Variants in GALNT15 observed in about 807,000 individuals in gnomAD.
GALNT15 encodes the protein UDP-GalNAc transferase T15.
A neutral mutation model predicts 66.8 loss-of-function variants in GALNT15; 67 were observed. The observed-to-expected ratio is 1.00, with a 90% CI of 0.82 to 1.23. GALNT15 has a LOEUF of 1.23. Among genes scored for constraint, GALNT15 ranks in the 50% most tolerant of loss-of-function variants. GALNT15 has a pLI of 0.00. For missense variants in GALNT15, 827 were observed against 804.3 expected (o/e 1.03, Z -0.34); for synonymous variants, 313 against 311.5 (o/e 1.00, Z -0.05).
At chr3:16,234,674 C>T (rs1168980392), downstream of GALNT15, among the ~76,000 whole-genome samples, 1 of 152,212 alleles carries the variant, frequency 6.6e-6, no homozygotes, top group Admixed American at 6.5e-5. Flanking sequence ...CTCTATGTCT[C>T]CTAATGGGGA....
chr3:16,200,876 C>A lies in GALNT15; in HGVS notation c.911+53C>A. ...AAGACATGGAACTGGGAGAAACAGTCTACAGCATCAGCCACTCACAGAGCA... is the reference window on the plus strand; with the variant it reads ...AAGACATGGAACTGGGAGAAACAGTATACAGCATCAGCCACTCACAGAGCA... On this transcript the variant is annotated intron_variant, in intron 3 of 9. Transcript: ENST00000339732. This position sits in a 1 kb window ranked among gnomAD's most constrained non-coding sequence, Gnocchi z 4.4. 1.4e-6 allele frequency: 2 copies of A among 1,416,966 alleles called. No homozygotes were observed. Among genetic ancestry groups the A allele is most frequent in the Non-Finnish European group, 9.6e-7 (1 of 1,040,710 alleles). 87.8% of individuals were successfully genotyped at this position (1,416,966 alleles called of 1,614,324 possible).
rs540258950 is a variant in GALNT15, at chr3:16,228,362, C to T, written c.*862C>T. 6.7e-5 allele frequency: 66 copies of T among 984,934 alleles called. No homozygotes were observed. Among genetic ancestry groups the T allele is most frequent in the African/African-American group, 3.3e-4 (19 of 57,264 alleles). The allele number at this position is 984,934 out of a possible 1,614,324, so 61.0% of individuals were successfully genotyped here. On this transcript the variant is annotated 3_prime_UTR_variant, in exon 10 of 10. Coordinates refer to ENST00000339732, the MANE Select transcript of GALNT15 (RefSeq NM_054110.5). The stretch of plus-strand genomic sequence containing the variant: ...GTTCACAGTTGAGAAACTCTCCTGC[C>T]GGGCGCGGTGGCTCATGCCTGTAAT...
chr3:16,242,923 A>G, the GALNT15 span, among the ~76,000 whole-genome samples: 1 of 152,204 alleles, frequency 6.6e-6, no homozygotes, highest in East Asian at 1.9e-4. This position sits in a 1 kb window ranked among gnomAD's most constrained non-coding sequence, Gnocchi z 5.6. Context: ...AGGTGATCCC[A>G]GGAAGCAGGA....
At position 16,195,914 on chromosome 3, in the gene GALNT15, C is replaced by G. The variant is rs1193438417; in HGVS notation, c.694C>G (p.Leu232Val). ...GAAGGAGATCATCCTCGTGGACGAC[C>G]TCAGCCAGCAAGGTAGCCACGGCTT... is the stretch of plus-strand genomic sequence containing the variant. Reference protein sequence around the residue: ...FLKEIILVDDLSQQGQLKSAL... With the variant: ...FLKEIILVDDVSQQGQLKSAL... The change falls in exon 2 of 10, where the codon CTC (leucine) becomes GTC (valine). Residue 232 changes from leucine (L) to valine (V), a missense_variant. Transcript: ENST00000339732. This position sits in a 1 kb window ranked among gnomAD's most constrained non-coding sequence, Gnocchi z 4.6. 6.2e-7 allele frequency: 1 copy of G among 1,614,092 alleles called. No homozygotes were observed. Among genetic ancestry groups the G allele is most frequent in the South Asian group, 1.1e-5 (1 of 91,066 alleles).
downstream of GALNT15, chr3:16,231,698 A>G (rs1279824529): frequency 7.6e-6 from 7 of 917,658 alleles, no homozygotes; most frequent in Admixed American, 1.5e-4. This position sits in a 1 kb window ranked among gnomAD's most constrained non-coding sequence, Gnocchi z 4.1. Flanking sequence ...CTGTTCAGCT[A>G]GCTCATAGTC....
In GALNT15 at chr3:16,200,832, T is replaced by C. The variant is rs2063693020; in HGVS notation, c.911+9T>C. 1 of 1,589,622 alleles carries C rather than the reference T, an allele frequency of 6.3e-7. No homozygotes were observed. The highest frequency in any genetic ancestry group is 8.6e-7 in the Non-Finnish European group (1 of 1,168,326). On this transcript the variant is annotated intron_variant, in intron 3 of 9. Coordinates refer to ENST00000339732, the MANE Select transcript of GALNT15 (RefSeq NM_054110.5). This position sits in a 1 kb window ranked among gnomAD's most constrained non-coding sequence, Gnocchi z 4.4. ...AGAATAGCTGGTGACAGGTAACTTATTCCCTGGGCTTGCAAAGCAAGACAT... is the reference window on the plus strand; with the variant it reads ...AGAATAGCTGGTGACAGGTAACTTACTCCCTGGGCTTGCAAAGCAAGACAT...
rs2063389440 is a variant in GALNT15, at chr3:16,175,036, C to A, written c.-116C>A. ...TGTCAGGACCAGGTTAAGTGACTGG[C>A]AGAAAAACTTCCAGGTGGAACAAGC... On this transcript the variant is annotated 5_prime_UTR_variant, in exon 1 of 10. Coordinates refer to ENST00000339732, the MANE Select transcript of GALNT15 (RefSeq NM_054110.5). This position sits in a 1 kb window ranked among gnomAD's most constrained non-coding sequence, Gnocchi z 5.6. 1 of 916,968 alleles carries A rather than the reference C, an allele frequency of 1.1e-6. No individual in the cohort carries two copies. The highest frequency in any genetic ancestry group is 1.6e-6 in the Non-Finnish European group (1 of 607,384). 56.8% of individuals were successfully genotyped at this position (916,968 alleles called of 1,614,324 possible). A position where few individuals can be genotyped will look rare whatever the true frequency, so the allele number is the denominator to read the frequency against.
chr3:16,229,209 GTCT>G lies in GALNT15; in HGVS notation c.*1710_*1712del. ...TACCTATCATAACTACGTATTCATT[GTCT>G]ACCTGCTAAGTCAAGGGTTCACTGC... On this transcript the variant is annotated 3_prime_UTR_variant, in exon 10 of 10. Coordinates refer to ENST00000339732, the MANE Select transcript of GALNT15 (RefSeq NM_054110.5). 1.0e-6 allele frequency: 1 copy of G among 985,372 alleles called. No individual in the cohort carries two copies. The highest frequency in any genetic ancestry group is 1.2e-6 in the Non-Finnish European group (1 of 829,898). The allele number at this position is 985,372 out of a possible 1,614,324, so 61.0% of individuals were successfully genotyped here.
At chr3:16,234,105 A>G (rs1374388337), downstream of GALNT15, among the ~76,000 whole-genome samples, 1 of 152,216 alleles carries the variant, frequency 6.6e-6, no homozygotes, top group Non-Finnish European at 1.5e-5. Flanking sequence ...AAATCCTGCC[A>G]AAGCCCAAGA....
chr3:16,191,337 G>A lies in GALNT15; in HGVS notation c.540-4423G>A, dbSNP rs553398831. Reference sequence around the variant, plus strand: ...TGAGAGGTACCTCTTGTAGTAATGGGACATCTGTTAATAATGGCAGCAAAC... The same window carrying A: ...TGAGAGGTACCTCTTGTAGTAATGGAACATCTGTTAATAATGGCAGCAAAC... On this transcript the variant is annotated intron_variant, in intron 1 of 9. Coordinates refer to ENST00000339732, the MANE Select transcript of GALNT15 (RefSeq NM_054110.5). The surrounding 1 kb of genome is among the most constrained non-coding windows in gnomAD (Gnocchi z 5.2). The A allele has an allele frequency of 4.4e-4, 431 of 985,192 alleles. 2 individuals carry two copies. The African/African-American group carries it at 6.9e-3, about 16-fold the overall frequency. 61.0% of individuals were successfully genotyped at this position (985,192 alleles called of 1,614,324 possible).
the GALNT15 span, among the ~76,000 whole-genome samples, chr3:16,247,868 G>A: frequency 6.6e-6 from 1 of 152,154 alleles, no homozygotes; most frequent in Admixed American, 6.5e-5. Flanking sequence ...GGCCTGGCTT[G>A]GTGGCGACAC....
Position 16,182,806 on chromosome 3 carries a change from G to A in GALNT15, c.539+7116G>A, listed in dbSNP as rs1197226598. The A allele has an allele frequency of 6.6e-6, 1 of 152,210 alleles. No homozygotes were observed. Among genetic ancestry groups the A allele is most frequent in the East Asian group, 1.9e-4 (1 of 5,198 alleles). The allele number at this position is 152,210 out of a possible 1,614,324, so 9.4% of individuals were successfully genotyped here. On this transcript the variant is annotated intron_variant, in intron 1 of 9. Transcript: ENST00000339732. The surrounding 1 kb of genome is among the most constrained non-coding windows in gnomAD (Gnocchi z 6.1). ...TACTTGACCTAAGTCTACATTTAAT[G>A]AGGTCCCGGATGGTTCAAGGGCATA...
chr3:16,208,736 C>G (rs1559686902), intron 4 of GALNT15, 66 bp downstream of exon 4: 1 of 1,463,368 alleles, frequency 6.8e-7, no homozygotes, highest in Non-Finnish European at 9.5e-7. Context: ...GCCTGCCTGC[C>G]TGGGGTCTAA....
chr3:16,205,120 G>A (rs961636049), intron 3 of GALNT15, among the ~76,000 whole-genome samples: 1 of 152,188 alleles, frequency 6.6e-6, no homozygotes, highest in Non-Finnish European at 1.5e-5. Context: ...ATCTGCCCCT[G>A]GAAAAGCCGA....
intron 6 of GALNT15, among the ~76,000 whole-genome samples, chr3:16,214,361 A>G (rs1574991519): frequency 1.3e-5 from 2 of 152,322 alleles, no homozygotes; most frequent in East Asian, 3.9e-4. Context: ...GGGTTTAAGT[A>G]TTGGTTATAT....
the GALNT15 span, among the ~76,000 whole-genome samples, chr3:16,245,351 A>G: frequency 3.9e-5 from 6 of 152,152 alleles, no homozygotes; most frequent in Middle Eastern, 3.2e-3. Flanking sequence ...TAAACCACAC[A>G]TGAGCACAGT....
chr3:16,246,612 G>A, the GALNT15 span, among the ~76,000 whole-genome samples: 4 of 152,046 alleles, frequency 2.6e-5, no homozygotes, highest in Non-Finnish European at 1.5e-5. Flanking sequence ...GTGAGCCACC[G>A]CGCCCAGCCT....
downstream of GALNT15, among the ~76,000 whole-genome samples, chr3:16,235,712 G>A (rs1397332359): frequency 4.6e-5 from 7 of 152,194 alleles, no homozygotes; most frequent in Middle Eastern, 3.4e-3. Flanking sequence ...AATGACTTTC[G>A]TAGTATGTTG....
intron 9 of GALNT15, among the ~76,000 whole-genome samples, chr3:16,226,730 A>G (rs1645123040): frequency 6.6e-6 from 1 of 152,262 alleles, no homozygotes; most frequent in Admixed American, 6.5e-5. Context: ...ATCAATCTCA[A>G]ACATTAATAA....
Sources: gnomAD v4.1 joint callset for allele counts (sites outside exome capture counted in the v4.1 genomes callset) on GRCh38, gnomAD v4.1.1 for gene constraint, Gnocchi (gnomAD v3.1) non-coding constraint, MANE v1.5 for transcripts, NCBI Gene and HGNC (gene_info 2026-07-23, HGNC 2026-07-21) for gene names.